The following VWA7 variants were observed in gnomAD, a reference collection of about 807,000 sequenced individuals.
The protein encoded by VWA7 is von Willebrand factor A domain-containing protein 7.
Under a neutral mutation model 83.1 loss-of-function variants are expected in VWA7, and 66 were observed. The observed-to-expected ratio is 0.79, with a 90% CI of 0.65 to 0.98. The LOEUF (loss-of-function observed/expected upper bound fraction) is 0.98. Ranked by LOEUF, VWA7 falls within the 50% of genes least tolerant of loss-of-function variation. The pLI, the probability that VWA7 is intolerant of heterozygous loss-of-function variation, is 0.00. For synonymous variants in VWA7, 424 were observed against 488.5 expected, an observed-to-expected ratio of 0.87 and a Z score of 1.74; for missense variants, 1,080 against 1,160.2, an observed-to-expected ratio of 0.93 and a Z score of 1.00.
In VWA7 at chr6:31,767,177, G is replaced by T; in HGVS notation, c.1863C>A (p.Pro621=). The T allele has an allele frequency of 4.5e-6, 7 of 1,538,872 alleles. No homozygotes were observed. The South Asian group carries it at 6.6e-5, about 14-fold the overall frequency. The change falls in exon 13 of 17, where the codon CCC becomes CCA. Residue 621 remains proline, a synonymous_variant. Transcript: ENST00000375688. ...MEDGPHPGLY[P]LTQPVAGLQT... ...ATGTACCTGCAACTGGCTGAGTCAG[G>T]GGGTAGAGGCCAGGGTGGGGTCCAT... is the stretch of plus-strand genomic sequence containing the variant.
chr6:31,772,398 C>A (rs1274665391), intron 7 of VWA7, among the ~76,000 whole-genome samples: 1 of 151,870 alleles, frequency 6.6e-6, no homozygotes, highest in Non-Finnish European at 1.5e-5. Context: ...ACGATCCACC[C>A]ACCTCTGCCT....
In VWA7 at chr6:31,775,384, G is replaced by T. The variant is rs182789677; in HGVS notation, c.559C>A (p.Pro187Thr). The T allele has an allele frequency of 6.2e-7, 1 of 1,612,632 alleles. No individual in the cohort carries two copies. The highest frequency in any genetic ancestry group is 1.7e-5 in the Admixed American group (1 of 59,982). ...SNWVELGEQQ[P>T]HPHLLWPRQE... The stretch of plus-strand genomic sequence containing the variant: ...CTTGGCCAGAGGAGGTGAGGGTGTG[G>T]CTGCTGCTCGCCCAGCTCCACCCAG... The change falls in exon 4 of 17, where the codon CCA (proline) becomes ACA (threonine). Residue 187 changes from proline to threonine, a missense_variant. Pro to Thr is a conservative substitution (Grantham distance 38). Coordinates refer to ENST00000375688, the MANE Select transcript of VWA7 (RefSeq NM_025258.3). This position sits in a 1 kb window ranked among gnomAD's most constrained non-coding sequence, Gnocchi z 5.9.
In VWA7 at chr6:31,773,201, C is replaced by T. The variant is rs754033102; in HGVS notation, c.917+41G>A. 1.2e-5 allele frequency: 19 copies of T among 1,589,964 alleles called. No individual in the cohort carries two copies. Among genetic ancestry groups the T allele is most frequent in the Non-Finnish European group, 1.5e-5 (17 of 1,168,868 alleles). ...CCTGGTTTCTCCCTTCCCGCAGGAG[C>T]GCCTCCCCATGAAGGGGTCCATCCC... On this transcript the variant is annotated intron_variant, in intron 6 of 16. Transcript: ENST00000375688. This position sits in a 1 kb window ranked among gnomAD's most constrained non-coding sequence, Gnocchi z 5.3.
At chr6:31,767,105 T>C (rs1449906537) in intron 13 of VWA7, 53 bp downstream of exon 13, 3 of 401,208 alleles carry the variant, frequency 7.5e-6, no homozygotes, top group Non-Finnish European at 1.3e-5. Context: ...ATATTTTATA[T>C]ATATATATAA....
intron 7 of VWA7, among the ~76,000 whole-genome samples, chr6:31,772,214 C>T (rs922881379): frequency 2.6e-5 from 4 of 151,800 alleles, no homozygotes; most frequent in Non-Finnish European, 5.9e-5. Context: ...AGTGCCATCA[C>T]GGCTCACTGC....
At chr6:31,770,415 C>T (rs1812060976) in intron 7 of VWA7, among the ~76,000 whole-genome samples, 1 of 150,856 alleles carries the variant, frequency 6.6e-6, no homozygotes, top group Admixed American at 6.6e-5. Context: ...GTGATGCATG[C>T]CCGTAGCCTC....
In VWA7 at chr6:31,773,155, C is replaced by T; in HGVS notation, c.918-32G>A. ...AGCAAGCCAGAGACACAGTGAAGGG[C>T]CTGCACGTTTGTCCCCAGCGCCTGG... is the stretch of plus-strand genomic sequence containing the variant. On this transcript the variant is annotated intron_variant, in intron 6 of 16. Coordinates refer to ENST00000375688, the MANE Select transcript of VWA7 (RefSeq NM_025258.3). The surrounding 1 kb of genome is among the most constrained non-coding windows in gnomAD (Gnocchi z 5.3). 6.2e-7 allele frequency: 1 copy of T among 1,603,400 alleles called. No homozygotes were observed. The highest frequency in any genetic ancestry group is 8.5e-7 in the Non-Finnish European group (1 of 1,175,538).
Position 31,775,865 on chromosome 6 carries a change from G to A in VWA7, c.513+99C>T, listed in dbSNP as rs1032908161. 4 of 1,500,520 alleles carry A rather than the reference G, an allele frequency of 2.7e-6. No homozygotes were observed. The African/African-American group carries it at 4.2e-5, about 16-fold the overall frequency. The allele number at this position is 1,500,520 out of a possible 1,614,324, so 93.0% of individuals were successfully genotyped here. A position where few individuals can be genotyped will look rare whatever the true frequency, so the allele number is the denominator to read the frequency against. ...TGCCAGTGCCCACCCCTTCCAGAGTGGAGGAGACATGATCAAGAAGGCACC... is the reference window on the plus strand; with the variant it reads ...TGCCAGTGCCCACCCCTTCCAGAGTAGAGGAGACATGATCAAGAAGGCACC... On this transcript the variant is annotated intron_variant, in intron 3 of 16. Transcript: ENST00000375688. The surrounding 1 kb of genome is among the most constrained non-coding windows in gnomAD (Gnocchi z 5.9).
Position 31,769,338 on chromosome 6 carries a change from G to GATTCCCCACCCCAGCA in VWA7, c.1318-136_1318-135insTGCTGGGGTGGGGAAT. The GATTCCCCACCCCAGCA allele has an allele frequency of 8.9e-7, 1 of 1,125,250 alleles. No individual in the cohort carries two copies. Among genetic ancestry groups the GATTCCCCACCCCAGCA allele is most frequent in the Non-Finnish European group, 1.2e-6 (1 of 808,628 alleles). The allele number at this position is 1,125,250 out of a possible 1,614,324, so 69.7% of individuals were successfully genotyped here. A position where few individuals can be genotyped will look rare whatever the true frequency, so the allele number is the denominator to read the frequency against. On this transcript the variant is annotated intron_variant, in intron 9 of 16. Transcript: ENST00000375688. This position sits in a 1 kb window ranked among gnomAD's most constrained non-coding sequence, Gnocchi z 4.5. ...TCTCTGCCTGCCTTCTGGCTGCTGG[G>GATTCCCCACCCCAGCA]GTGGGGAATCCCAATGACAGAACCC...
chr6:31,765,794 A>G, intron 16 of VWA7, 24 bp from the exon 17 acceptor site: 1 of 1,585,900 alleles, frequency 6.3e-7, no homozygotes, highest in Non-Finnish European at 8.6e-7. Context: ...GAAGAGAATG[A>G]CAGGGTGTGC....
chr6:31,766,119 C>T lies in VWA7; in HGVS notation c.2325-62G>A, dbSNP rs1811536937. 1.2e-6 allele frequency: 2 copies of T among 1,600,176 alleles called. No homozygotes were observed. The highest frequency in any genetic ancestry group is 8.5e-7 in the Non-Finnish European group (1 of 1,171,982). ...CTGCCCAGAGCCTAGAGTCGGGACG[C>T]CTGCAGGGGCACGGGAGCGGAGAGG... On this transcript the variant is annotated intron_variant, in intron 15 of 16. Coordinates refer to ENST00000375688, the MANE Select transcript of VWA7 (RefSeq NM_025258.3). This position sits in a 1 kb window ranked among gnomAD's most constrained non-coding sequence, Gnocchi z 4.9.
intron 10 of VWA7, among the ~76,000 whole-genome samples, 181 bp downstream of exon 10, chr6:31,768,837 A>C (rs1374388512): frequency 6.6e-6 from 1 of 151,822 alleles, no homozygotes; most frequent in Non-Finnish European, 1.5e-5. Context: ...ATAAGACTCC[A>C]TCTCAAAAAA....
Position 31,777,035 on chromosome 6 carries a change from G to A in VWA7, c.-16+74C>T. On this transcript the variant is annotated intron_variant, in intron 1 of 16. Transcript: ENST00000375688. The surrounding 1 kb of genome is among the most constrained non-coding windows in gnomAD (Gnocchi z 5.8). ...CCCACGCCCCCCTCCCCAGTCCCTG[G>A]CTGCGTCCCCAGCCCTGCCGCAGAA... 2.4e-6 allele frequency: 1 copy of A among 418,916 alleles called. No homozygotes were observed. Among genetic ancestry groups the A allele is most frequent in the South Asian group, 8.2e-5 (1 of 12,228 alleles). The allele number at this position is 418,916 out of a possible 1,614,324, so 25.9% of individuals were successfully genotyped here.
chr6:31,767,271 T>G (rs1436492125), intron 12 of VWA7, 21 bp from the exon 13 acceptor site: 2 of 1,611,778 alleles, frequency 1.2e-6, no homozygotes, highest in Admixed American at 3.4e-5. Flanking sequence ...GCAAAGGCAG[T>G]CAGAGCCCTT....
Position 31,766,013 on chromosome 6 carries a change from A to G in VWA7, c.2369T>C (p.Leu790Pro), listed in dbSNP as rs1562262213. 8 of 1,612,784 alleles carry G rather than the reference A, an allele frequency of 5.0e-6. No homozygotes were observed. Among genetic ancestry groups the G allele is most frequent in the Admixed American group, 1.7e-5 (1 of 60,014 alleles). ...CGGGGCCGCTGAATCTGGGACCTCC[A>G]GCCACAGGCGGCCCCAGGCCGACTC... Reference protein sequence around the residue: ...LNESAWGRLWLEVPDSAAPDS... With the variant: ...LNESAWGRLWPEVPDSAAPDS... The change falls in exon 16 of 17, where the codon CTG becomes CCG. Residue 790 changes from leucine (L) to proline (P), a missense_variant. Physicochemically the swap from Leu to Pro is moderately conservative, Grantham distance 98. Coordinates refer to ENST00000375688, the MANE Select transcript of VWA7 (RefSeq NM_025258.3). The surrounding 1 kb of genome is among the most constrained non-coding windows in gnomAD (Gnocchi z 4.9).
chr6:31,776,904 C>T lies in VWA7; in HGVS notation c.-15-110G>A. 1.7e-6 allele frequency: 1 copy of T among 592,424 alleles called. No individual in the cohort carries two copies. Among genetic ancestry groups the T allele is most frequent in the Non-Finnish European group, 2.7e-6 (1 of 369,646 alleles). 36.7% of individuals were successfully genotyped at this position (592,424 alleles called of 1,614,324 possible). A position where few individuals can be genotyped will look rare whatever the true frequency, so the allele number is the denominator to read the frequency against. On this transcript the variant is annotated intron_variant, in intron 1 of 16. Transcript: ENST00000375688. The surrounding 1 kb of genome is among the most constrained non-coding windows in gnomAD (Gnocchi z 6.2). Reference sequence around the variant, plus strand: ...CTTTACCTCAAAAGTCGTGTCTGCTCCAGCCTGGCTTCCCCACCCTCTCGC... The same window carrying T: ...CTTTACCTCAAAAGTCGTGTCTGCTTCAGCCTGGCTTCCCCACCCTCTCGC...
Position 31,772,637 on chromosome 6 carries a change from G to T in VWA7, c.1087+317C>A, listed in dbSNP as rs190565543. ...TGTGACAGAGCTTTTTGCTCTTGTT[G>T]CCCAGGCTGGAGTGCAAAGGCACGA... On this transcript the variant is annotated intron_variant, in intron 7 of 16. Transcript: ENST00000375688. Among the ~76,000 whole-genome samples, 557 of 64,206 alleles carry T rather than the reference G, an allele frequency of 8.7e-3. 17 individuals are homozygous for T. In the South Asian group the frequency reaches 0.15, roughly 17 times the overall value. The allele number at this position is 64,206 out of a possible 152,430, so 42.1% of individuals were successfully genotyped here.
At position 31,773,271 on chromosome 6, in the gene VWA7, T is replaced by C. The variant is rs372135746; in HGVS notation, c.888A>G (p.Arg296=). 9.3e-5 allele frequency: 149 copies of C among 1,606,840 alleles called. No individual in the cohort carries two copies. The highest frequency in any genetic ancestry group is 1.2e-4 in the Non-Finnish European group (140 of 1,177,092). The change falls in exon 6 of 17, where the codon CGA becomes CGG. Residue 296 remains arginine (R), a synonymous_variant. Transcript: ENST00000375688. The surrounding 1 kb of genome is among the most constrained non-coding windows in gnomAD (Gnocchi z 5.3). ...AGAAATCCCTGTCTCCCAGGCGGCT[T>C]CGCAGAAGGCTGAAGGCCTGGATGG... ...LASIQAFSLL[R]SRLGDRDFSR... is the part of the protein sequence containing the mutation.
rs776986005 is a variant in VWA7, at chr6:31,765,894, G to A, written c.2488C>T (p.Pro830Ser). 1 of 1,613,126 alleles carries A rather than the reference G, an allele frequency of 6.2e-7. No individual in the cohort carries two copies. The highest frequency in any genetic ancestry group is 2.2e-5 in the East Asian group (1 of 44,886). The part of the protein sequence containing the change: ...HAFLRLLVSA[P>S]APQDRHTTPT... ...TAGTGGTTCCTCACCTGCGGGGCTG[G>A]GGCCGATACCAGGAGCCGGAGGAAA... The change falls in exon 16 of 17, where the codon CCA (proline) becomes TCA (serine). Residue 830 changes from proline (P) to serine (S), a missense_variant. Pro to Ser is a moderately conservative substitution (Grantham distance 74). Coordinates refer to ENST00000375688, the MANE Select transcript of VWA7 (RefSeq NM_025258.3).
Sources: gnomAD v4.1 joint callset for allele counts (sites outside exome capture counted in the v4.1 genomes callset) on GRCh38, gnomAD v4.1.1 for gene constraint, Gnocchi (gnomAD v3.1) non-coding constraint, MANE v1.5 for transcripts, NCBI Gene and HGNC (gene_info 2026-07-23, HGNC 2026-07-21) for gene names.